The following EZH1 variants were observed in gnomAD, a reference collection of about 807,000 sequenced individuals.
EZH1 encodes the protein histone-lysine N-methyltransferase EZH1.
A neutral mutation model predicts 100.5 loss-of-function variants in EZH1; 33 were observed. The ratio of observed to expected loss-of-function variants is 0.33; its 90% CI spans 0.25 to 0.44. The LOEUF is 0.44. Among genes scored for constraint, EZH1 ranks in the 20% least tolerant of loss-of-function variants. The pLI is 1.00. For missense variants in EZH1, 475 were observed against 928.4 expected (o/e 0.51, Z 6.35); for synonymous variants, 272 against 313.8 (o/e 0.87, Z 1.41).
At chr17:42,707,646 A>G (rs1208143799) in intron 15 of EZH1, among the ~76,000 whole-genome samples, 1 of 152,088 alleles carries the variant, frequency 6.6e-6, no homozygotes, top group Non-Finnish European at 1.5e-5. Context: ...CCGCCTACCC[A>G]AAGTGCTGGG....
intron 7 of EZH1, 31 bp from the exon 8 acceptor site, chr17:42,719,238 T>A: frequency 1.3e-6 from 2 of 1,522,404 alleles, no homozygotes; most frequent in Non-Finnish European, 1.8e-6. Flanking sequence ...AGCTCCTGAG[T>A]GCGATTATCA....
chr17:42,722,176 G>T (rs1225477093), intron 6 of EZH1, among the ~76,000 whole-genome samples: 1 of 147,572 alleles, frequency 6.8e-6, no homozygotes, highest in South Asian at 2.2e-4. Context: ...AAAAAGCCAG[G>T]TGTGGTGGAG....
rs762358085 is a variant in EZH1 at position 42,718,087 on chromosome 17, T to G, written c.932-20A>C. The G allele has an allele frequency of 6.2e-7, 1 of 1,601,116 alleles. No homozygotes were observed. The highest frequency in any genetic ancestry group is 1.1e-5 in the South Asian group (1 of 90,696). On this transcript the variant is annotated intron_variant, in intron 9 of 20. Coordinates refer to ENST00000428826, the MANE Select transcript of EZH1 (RefSeq NM_001991.5). This position sits in a 1 kb window ranked among gnomAD's most constrained non-coding sequence, Gnocchi z 4.2. Reference sequence around the variant, plus strand: ...GAAAAGCTGGAAAACAAAAACTGTCTTGTTGCCAGTGGTCTATCCACTTGA... The same window carrying G: ...GAAAAGCTGGAAAACAAAAACTGTCGTGTTGCCAGTGGTCTATCCACTTGA...
chr17:42,713,331 C>G lies in EZH1; in HGVS notation c.1082G>C (p.Arg361Pro). 6.2e-7 allele frequency: 1 copy of G among 1,612,062 alleles called. No homozygotes were observed. The highest frequency in any genetic ancestry group is 8.5e-7 in the Non-Finnish European group (1 of 1,178,368). Residue 361 changes from arginine to proline, a missense_variant, in exon 11 of 21, where the codon CGC (arginine) becomes CCC (proline). This residue lies in a region of EZH1 where 180 missense variants were observed against 295.3 expected (regional missense o/e 0.61). Transcript: ENST00000428826. The part of the protein sequence containing the change: ...HNPRSKCSGR[R>P]RRRHHIVSAS... ...ACTGACTATGTGGTGCCTTCTCCGG[C>G]GACGACCAGAGCACTTGGAGCGGGG...
chr17:42,741,892 T>C (rs1483967106), intron 1 of EZH1, among the ~76,000 whole-genome samples: 1 of 151,872 alleles, frequency 6.6e-6, no homozygotes, highest in Admixed American at 6.6e-5. Context: ...AGTTTTGCCA[T>C]GTTGCCCAGG....
rs2143697949 is a variant in EZH1 at position 42,702,158 on chromosome 17, GCTAC to G, written c.*370_*373del. On this transcript the variant is annotated 3_prime_UTR_variant, in exon 21 of 21. Transcript: ENST00000428826. ...AACATAAGGACTCTTGATGTGGAAA[GCTAC>G]AATTACAGGCTAGCGCTTGTTGGGA... The G allele has an allele frequency of 5.1e-6, 1 of 196,296 alleles. No individual in the cohort carries two copies. 12.2% of individuals were successfully genotyped at this position (196,296 alleles called of 1,614,324 possible).
In EZH1 at chr17:42,730,818, C is replaced by T; in HGVS notation, c.-12+10G>A. 2 of 983,696 alleles carry T rather than the reference C, an allele frequency of 2.0e-6. No individual in the cohort carries two copies. The highest frequency in any genetic ancestry group is 2.4e-6 in the Non-Finnish European group (2 of 828,274). The allele number at this position is 983,696 out of a possible 1,614,324, so 60.9% of individuals were successfully genotyped here. A position where few individuals can be genotyped will look rare whatever the true frequency, so the allele number is the denominator to read the frequency against. ...GCCAAGAAGTATGTATTCTAATATA[C>T]TTTACCTACCTTATAGAATGCAAGG... is the stretch of plus-strand genomic sequence containing the variant. On this transcript the variant is annotated intron_variant, in intron 2 of 20. Coordinates refer to ENST00000428826, the MANE Select transcript of EZH1 (RefSeq NM_001991.5).
intron 1 of EZH1, among the ~76,000 whole-genome samples, chr17:42,734,993 A>T (rs1013288710): frequency 6.6e-6 from 1 of 151,788 alleles, no homozygotes; most frequent in Admixed American, 6.6e-5. Context: ...ACTCGGTCTC[A>T]AAAAAAGAAG....
intron 1 of EZH1, among the ~76,000 whole-genome samples, chr17:42,744,335 G>T (rs1389882417): frequency 6.6e-6 from 1 of 152,152 alleles, no homozygotes; most frequent in Non-Finnish European, 1.5e-5. Context: ...TCGGTTGAAT[G>T]GTGGGGGTGA....
chr17:42,724,697 A>G, intron 4 of EZH1: 1 of 277,636 alleles, frequency 3.6e-6, no homozygotes, highest in Non-Finnish European at 7.2e-6. Flanking sequence ...GAGGTATGAG[A>G]ATCACTTGAA....
At chr17:42,730,364 G>GA (rs2053915674) in intron 2 of EZH1, among the ~76,000 whole-genome samples, 1 of 151,858 alleles carries the variant, frequency 6.6e-6, no homozygotes, top group Non-Finnish European at 1.5e-5. Context: ...AATAAAAGTA[G>GA]GATATGACAG....
rs375128640 is a variant in EZH1 at position 42,718,638 on chromosome 17, A to G, written c.768-21T>C. The G allele has an allele frequency of 2.0e-5, 33 of 1,613,286 alleles. No individual in the cohort carries two copies. The highest frequency in any genetic ancestry group is 2.7e-5 in the Non-Finnish European group (32 of 1,179,490). On this transcript the variant is annotated intron_variant, in intron 8 of 20. Transcript: ENST00000428826. The surrounding 1 kb of genome is among the most constrained non-coding windows in gnomAD (Gnocchi z 4.2). Reference sequence around the variant, plus strand: ...GATACCTATTTAAGAAAAGAGAGATAAGAGTTCCTCCGAGGAACTGCCTCC... The same window carrying G: ...GATACCTATTTAAGAAAAGAGAGATGAGAGTTCCTCCGAGGAACTGCCTCC...
intron 3 of EZH1, among the ~76,000 whole-genome samples, chr17:42,728,310 C>T (rs1055207143): frequency 1.3e-5 from 2 of 150,328 alleles, no homozygotes; most frequent in African/African-American, 4.9e-5. Flanking sequence ...GACGAGGTTT[C>T]ACCAGGTAGG....
At chr17:42,729,112 G>C in intron 2 of EZH1, 160 bp from the exon 3 acceptor site, 1 of 674,848 alleles carries the variant, frequency 1.5e-6, no homozygotes, top group South Asian at 2.3e-5. Flanking sequence ...TCAACAGAAA[G>C]TTTCAATTTA....
chr17:42,713,065 A>AT, intron 11 of EZH1, 144 bp downstream of exon 11: 4 of 638,226 alleles, frequency 6.3e-6, no homozygotes, highest in Non-Finnish European at 2.5e-6. Context: ...AAAAGAAAAT[A>AT]TTCCCCATCT....
chr17:42,727,447 T>TG (rs763131364), intron 4 of EZH1, among the ~76,000 whole-genome samples, 188 bp downstream of exon 4: 8 of 152,010 alleles, frequency 5.3e-5, no homozygotes, highest in Admixed American at 2.0e-4. Flanking sequence ...CAGTCTATGT[T>TG]GCCCAGGCTG....
chr17:42,712,521 T>C, intron 11 of EZH1, 36 bp from the exon 12 acceptor site: 11 of 1,587,462 alleles, frequency 6.9e-6, no homozygotes, highest in Non-Finnish European at 9.5e-6. Context: ...CAGAAGAAGG[T>C]AGAATGCAGT....
At position 42,718,413 on chromosome 17, in the gene EZH1, G is replaced by A. The variant is rs1162148737; in HGVS notation, c.931+41C>T. ...AGAGAAGGAAATGGTGGCTGGGGAT[G>A]GAAGAGAGGAGAGCATTTCAAACAG... On this transcript the variant is annotated intron_variant, in intron 9 of 20. Transcript: ENST00000428826. The surrounding 1 kb of genome is among the most constrained non-coding windows in gnomAD (Gnocchi z 4.2). 6.2e-7 allele frequency: 1 copy of A among 1,605,778 alleles called. No individual in the cohort carries two copies. Among genetic ancestry groups the A allele is most frequent in the Non-Finnish European group, 8.5e-7 (1 of 1,174,888 alleles).
chr17:42,715,616 A>G (rs1340259344), intron 10 of EZH1, among the ~76,000 whole-genome samples: 1 of 152,154 alleles, frequency 6.6e-6, no homozygotes, highest in African/African-American at 2.4e-5. Context: ...AAGAAAGAGG[A>G]GACAGAAGAA....
Sources: allele counts gnomAD v4.1 joint callset (sites outside exome capture counted in the v4.1 genomes callset), GRCh38; gene constraint gnomAD v4.1.1; regional missense constraint gnomAD v4.1.1; non-coding constraint Gnocchi (gnomAD v3.1); transcripts MANE v1.5; gene names NCBI Gene and HGNC (gene_info 2026-07-23, HGNC 2026-07-21).